Variants in GALNT13 observed in about 807,000 individuals in gnomAD.
The protein encoded by GALNT13 is polypeptide N-acetylgalactosaminyltransferase 13.
Under a neutral mutation model 64.2 loss-of-function variants are expected in GALNT13, and 28 were observed. The observed-to-expected ratio is 0.44, with a 90% CI of 0.32 to 0.60. The LOEUF (loss-of-function observed/expected upper bound fraction) is 0.60, where lower values mean the gene tolerates loss of function less well. Among genes scored for constraint, GALNT13 ranks in the 20% least tolerant of loss-of-function variants. GALNT13 has a pLI of 0.05. For missense variants in GALNT13, 577 were observed against 669.8 expected, an observed-to-expected ratio of 0.86 and a Z score of 1.53; for synonymous variants, 214 against 224.6, an observed-to-expected ratio of 0.95 and a Z score of 0.42.
chr2:153,174,774 TTC>T, the GALNT13 span, among the ~76,000 whole-genome samples: 1 of 152,160 alleles, frequency 6.6e-6, no homozygotes, highest in African/African-American at 2.4e-5. Flanking sequence ...TGTTTTTCAT[TTC>T]TGTTTGAGAC....
the GALNT13 span, among the ~76,000 whole-genome samples, chr2:153,150,040 G>C: frequency 6.6e-6 from 1 of 151,722 alleles, no homozygotes; most frequent in South Asian, 2.1e-4. Flanking sequence ...CTCTGTCTCT[G>C]TGTCATCCAT....
chr2:153,478,184 G>T, the GALNT13 span: 1 of 1,457,648 alleles, frequency 6.9e-7, no homozygotes. Flanking sequence ...GCACAGCCGG[G>T]CTAGCAAAGT....
At chr2:154,133,534 T>TTA (rs201083794) in intron 3 of GALNT13, among the ~76,000 whole-genome samples, 1,932 of 75,308 alleles carry the variant, frequency 0.026, 31 homozygotes, top group African/African-American at 0.031. Flanking sequence ...ACAGACCATT[T>TTA]TATATATATA....
the GALNT13 span, among the ~76,000 whole-genome samples, chr2:153,466,006 G>A: frequency 1.3e-5 from 2 of 152,044 alleles, no homozygotes; most frequent in South Asian, 4.2e-4. Flanking sequence ...CCCGGTGCCC[G>A]TTCTTTCTTG....
chr2:154,321,742 TAAGG>T (rs1411750842), intron 9 of GALNT13, among the ~76,000 whole-genome samples: 9 of 151,990 alleles, frequency 5.9e-5, no homozygotes, highest in Non-Finnish European at 1.3e-4. Context: ...CTGGAGAAAA[TAAGG>T]AAGCACTGGC....
intron 12 of GALNT13, among the ~76,000 whole-genome samples, chr2:154,449,117 T>C (rs1327048908): frequency 6.6e-6 from 1 of 152,032 alleles, no homozygotes; most frequent in African/African-American, 2.4e-5. Flanking sequence ...TGGCCATTTA[T>C]TCCTTTCTTT....
At chr2:154,077,287 A>G (rs947212971) in intron 3 of GALNT13, among the ~76,000 whole-genome samples, 1 of 151,532 alleles carries the variant, frequency 6.6e-6, no homozygotes, top group Admixed American at 6.6e-5. Context: ...TAGGTTTACC[A>G]GACTCATTAA....
chr2:153,430,834 A>G, the GALNT13 span, among the ~76,000 whole-genome samples: 17 of 152,160 alleles, frequency 1.1e-4, no homozygotes, highest in African/African-American at 3.9e-4. Flanking sequence ...TAAACTATTT[A>G]GGATTATAAG....
intron 9 of GALNT13, among the ~76,000 whole-genome samples, chr2:154,344,281 C>A (rs1024259509): frequency 8.8e-6 from 1 of 114,168 alleles, no homozygotes; most frequent in Non-Finnish European, 2.2e-5. Flanking sequence ...TGCCTGTTGA[C>A]TCGCCTGACA....
chr2:154,354,308 A>G (rs997303499), intron 9 of GALNT13, among the ~76,000 whole-genome samples: 4 of 150,874 alleles, frequency 2.7e-5, no homozygotes, highest in African/African-American at 9.8e-5. Context: ...CTTATCAGAT[A>G]TGTGGGTTAC....
At chr2:153,085,262 AT>A in the GALNT13 span, among the ~76,000 whole-genome samples, 2 of 152,222 alleles carry the variant, frequency 1.3e-5, no homozygotes, top group East Asian at 3.8e-4. Flanking sequence ...GAGAAAAGAA[AT>A]ACCCATTTTC....
chr2:154,228,999 A>T (rs1367923030), intron 4 of GALNT13, among the ~76,000 whole-genome samples: 1 of 152,080 alleles, frequency 6.6e-6, no homozygotes, highest in Non-Finnish European at 1.5e-5. Flanking sequence ...CCATCAATTT[A>T]TCTGTTAGTA....
At chr2:154,022,074 G>C (rs1402542026) in intron 3 of GALNT13, among the ~76,000 whole-genome samples, 2 of 152,116 alleles carry the variant, frequency 1.3e-5, no homozygotes, top group Admixed American at 1.3e-4. Context: ...TGGTGAATAA[G>C]CTTTTTGATG....
At chr2:153,577,817 T>C in the GALNT13 span, among the ~76,000 whole-genome samples, 1 of 150,712 alleles carries the variant, frequency 6.6e-6, no homozygotes, top group Non-Finnish European at 1.5e-5. Context: ...TATTTCTATA[T>C]ATGAATAAAA....
At chr2:154,175,958 CAT>C (rs1253998809) in intron 4 of GALNT13, among the ~76,000 whole-genome samples, 1 of 151,914 alleles carries the variant, frequency 6.6e-6, no homozygotes, top group Non-Finnish European at 1.5e-5. Context: ...ATTAAGGAAA[CAT>C]ATTTTCCCCC....
chr2:153,784,862 C>T, the GALNT13 span, among the ~76,000 whole-genome samples: 1 of 152,152 alleles, frequency 6.6e-6, no homozygotes, highest in African/African-American at 2.4e-5. Context: ...ACCATCTTTG[C>T]TGTTTAACTG....
the GALNT13 span, among the ~76,000 whole-genome samples, chr2:153,289,304 C>G: frequency 6.6e-6 from 1 of 152,178 alleles, no homozygotes; most frequent in Non-Finnish European, 1.5e-5. Flanking sequence ...ACTTTGTCCT[C>G]TATCACTAAT....
chr2:153,536,329 T>C, the GALNT13 span, among the ~76,000 whole-genome samples: 5 of 152,210 alleles, frequency 3.3e-5, no homozygotes, highest in African/African-American at 1.2e-4. Context: ...CCAGTGCTGG[T>C]TCTCACAAGG....
At chr2:153,663,399 A>G in the GALNT13 span, among the ~76,000 whole-genome samples, 9 of 152,186 alleles carry the variant, frequency 5.9e-5, no homozygotes, top group Non-Finnish European at 7.3e-5. Context: ...TAAGTTGATA[A>G]GCTTCCTTGT....
Sources: allele counts gnomAD v4.1 joint callset (sites outside exome capture counted in the v4.1 genomes callset), GRCh38; gene constraint gnomAD v4.1.1; transcripts MANE v1.5; gene names NCBI Gene and HGNC (gene_info 2026-07-23, HGNC 2026-07-21).